Variants in CCNC observed in about 807,000 individuals in gnomAD.
CCNC encodes cyclin-C.
CCNC carries 19 observed loss-of-function variants against 50.0 expected under a neutral mutation model. The observed-to-expected ratio is 0.38, with a 90% CI of 0.27 to 0.56. The LOEUF (loss-of-function observed/expected upper bound fraction) is 0.56, where lower values mean the gene tolerates loss of function less well. Among genes scored for constraint, CCNC ranks in the 20% least tolerant of loss-of-function variants. The pLI, the probability that CCNC is intolerant of heterozygous loss-of-function variation, is 0.72. For missense variants in CCNC, 200 were observed against 327.1 expected, an observed-to-expected ratio of 0.61 and a Z score of 3.00; for synonymous variants, 93 against 103.7, an observed-to-expected ratio of 0.90 and a Z score of 0.63.
At position 99,545,182 on chromosome 6, in the gene CCNC, T is replaced by C. The variant is rs747673155; in HGVS notation, c.727A>G (p.Asn243Asp). 1.9e-6 allele frequency: 3 copies of C among 1,609,456 alleles called. No homozygotes were observed. The highest frequency in any genetic ancestry group is 1.7e-6 in the Non-Finnish European group (2 of 1,176,066). Reference sequence around the variant, plus strand: ...GCCATCTCTTTTCTCTCATCGAAATTCTTCCACTGCTCATATAGTTTTAAA... The same window carrying C: ...GCCATCTCTTTTCTCTCATCGAAATCCTTCCACTGCTCATATAGTTTTAAA... ...VILKLYEQWK[N>D]FDERKEMATI... Residue 243 changes from asparagine to aspartate, a missense_variant, in exon 11 of 12, where the codon AAT (asparagine) becomes GAT (aspartate). Asn to Asp is a conservative substitution (Grantham distance 23, BLOSUM62 1). Transcript: ENST00000520429.
chr6:99,547,660 C>G (rs1263890693), intron 9 of CCNC, among the ~76,000 whole-genome samples: 2 of 152,178 alleles, frequency 1.3e-5, no homozygotes, highest in Admixed American at 1.3e-4. Context: ...CTTCTACCCA[C>G]TAGATGCTAG....
chr6:99,562,937 A>C lies in CCNC; in HGVS notation c.44T>G (p.Ile15Ser), dbSNP rs745828562. ...FWQSSHYLQWILDKQDLLKER... is the reference protein window; with the variant it reads ...FWQSSHYLQWSLDKQDLLKER... The stretch of plus-strand genomic sequence containing the variant: ...CTTCAACAGATCTTGTTTATCCAAA[A>C]TCCATTGCAAACTAGAAAAGACATG... The change falls in exon 2 of 12, where the codon ATT becomes AGT. Residue 15 changes from isoleucine (I) to serine (S), a missense_variant. Physicochemically the swap from Ile to Ser is moderately radical, Grantham distance 142. Coordinates refer to ENST00000520429, the MANE Select transcript of CCNC (RefSeq NM_005190.4). 40 of 1,598,480 alleles carry C rather than the reference A, an allele frequency of 2.5e-5. No individual in the cohort carries two copies. Among genetic ancestry groups the C allele is most frequent in the Admixed American group, 1.0e-4 (6 of 58,374 alleles).
chr6:99,567,980 G>A (rs974161057), intron 1 of CCNC: 1 of 154,456 alleles, frequency 6.5e-6, no homozygotes, highest in Non-Finnish European at 1.4e-5. Context: ...TAGACATAAA[G>A]TACGCGCAAG....
At position 99,545,133 on chromosome 6, in the gene CCNC, T is replaced by C; in HGVS notation, c.776A>G (p.Lys259Arg). Reference sequence around the variant, plus strand: ...GTACCTGTTTGGAGGTGGTTTTGGTTTTGGCATCTTACTAAGAATGGTTGC... The same window carrying C: ...GTACCTGTTTGGAGGTGGTTTTGGTCTTGGCATCTTACTAAGAATGGTTGC... ...EMATILSKMP[K>R]PKPPPNSEGE... is the part of the protein sequence containing the mutation. Residue 259 changes from lysine (K) to arginine (R), a missense_variant, in exon 11 of 12, where the codon AAA (lysine) becomes AGA (arginine). Lys to Arg is a conservative substitution (Grantham distance 26). Transcript: ENST00000520429. 1 of 1,602,200 alleles carries C rather than the reference T, an allele frequency of 6.2e-7. No individual in the cohort carries two copies. Among genetic ancestry groups the C allele is most frequent in the Non-Finnish European group, 8.6e-7 (1 of 1,169,346 alleles).
At chr6:99,556,149 TAC>T (rs1193270335) in intron 5 of CCNC, among the ~76,000 whole-genome samples, 1 of 152,242 alleles carries the variant, frequency 6.6e-6, no homozygotes, top group African/African-American at 2.4e-5. Context: ...CAGCACTCAA[TAC>T]AGTTTGCAGT....
rs941457310 is a variant in CCNC, at chr6:99,558,505, G to T, written c.338C>A (p.Thr113Asn). Residue 113 changes from threonine (T) to asparagine (N), a missense_variant, in exon 5 of 12, where the codon ACT becomes AAT. By Grantham distance (65) the Thr-to-Asn change is moderately conservative. Transcript: ENST00000520429. ...ATACTTTTTGCACTTACATACAGAA[G>T]TAGCAGCAGCAATCAATCTTGTATT... The part of the protein sequence containing the change: ...VSNTRLIAAA[T>N]SVLKTRFSYA... The T allele has an allele frequency of 1.2e-6, 2 of 1,610,596 alleles. No homozygotes were observed. The highest frequency in any genetic ancestry group is 2.7e-5 in the African/African-American group (2 of 74,574).
chr6:99,546,606 G>C, intron 9 of CCNC, 132 bp from the exon 10 acceptor site: 1 of 599,292 alleles, frequency 1.7e-6, no homozygotes, highest in Non-Finnish European at 3.0e-6. Flanking sequence ...CTACATATGA[G>C]AGTTACCACT....
intron 9 of CCNC, among the ~76,000 whole-genome samples, chr6:99,547,826 T>C (rs568482005): frequency 6.6e-6 from 1 of 152,168 alleles, no homozygotes; most frequent in East Asian, 1.9e-4. Flanking sequence ...AATAAGCCAG[T>C]TAGGAGACTG....
chr6:99,545,643 A>G (rs905280846), intron 10 of CCNC, among the ~76,000 whole-genome samples: 1 of 152,242 alleles, frequency 6.6e-6, no homozygotes, highest in Non-Finnish European at 1.5e-5. Context: ...TAAGGTGCTC[A>G]AAAACTGGCA....
chr6:99,566,118 C>A lies in CCNC; in HGVS notation c.32+2378G>T, dbSNP rs371494785. ...TAACCCAAAAGTACCCCTGGGTTTA[C>A]TTTTCTCATTCCTAATTTTGTATTT... is the stretch of plus-strand genomic sequence containing the variant. On this transcript the variant is annotated intron_variant, in intron 1 of 11. Coordinates refer to ENST00000520429, the MANE Select transcript of CCNC (RefSeq NM_005190.4). Among the ~76,000 whole-genome samples, 32 of 152,090 alleles carry A rather than the reference C, an allele frequency of 2.1e-4. No homozygotes were observed. The East Asian group carries it at 3.5e-3, about 17-fold the overall frequency.
chr6:99,544,549 C>A (rs949697439), intron 11 of CCNC, among the ~76,000 whole-genome samples: 1 of 152,030 alleles, frequency 6.6e-6, no homozygotes, highest in Non-Finnish European at 1.5e-5. Context: ...TTAAAACACA[C>A]ACATACACCC....
At chr6:99,557,673 G>C (rs543800396) in intron 5 of CCNC, 51 of 151,962 alleles carry the variant, frequency 3.4e-4, no homozygotes, top group African/African-American at 1.2e-3. Flanking sequence ...GGGCATGGTG[G>C]CACATGCCTG....
intron 1 of CCNC, among the ~76,000 whole-genome samples, chr6:99,564,655 T>C (rs564368630): frequency 6.6e-6 from 1 of 152,286 alleles, no homozygotes; most frequent in South Asian, 2.1e-4. Context: ...AAGAGATTCT[T>C]CTGATCTAAA....
intron 2 of CCNC, 44 bp downstream of exon 2, chr6:99,562,798 G>C (rs1228814993): frequency 9.1e-7 from 1 of 1,094,516 alleles, no homozygotes; most frequent in Non-Finnish European, 1.4e-6. Flanking sequence ...TTTATTCAGA[G>C]GTAACCAACT....
At chr6:99,551,657 C>T (rs1423699610) in intron 6 of CCNC, among the ~76,000 whole-genome samples, 183 bp downstream of exon 6, 2 of 151,982 alleles carry the variant, frequency 1.3e-5, no homozygotes, top group Admixed American at 6.6e-5. Flanking sequence ...GGTTGATAAT[C>T]GCCACTATGA....
intron 9 of CCNC, chr6:99,549,202 A>G (rs1469375016): frequency 2.4e-6 from 1 of 421,196 alleles, no homozygotes; most frequent in African/African-American, 2.0e-5. Context: ...TACAACTAAT[A>G]TTAGCTGGCT....
At position 99,548,802 on chromosome 6, in the gene CCNC, C is replaced by CA. The variant is rs71021744; in HGVS notation, c.598+705dup. 6.7e-3 allele frequency among the ~76,000 whole-genome samples: 709 copies of CA among 106,476 alleles called. 4 individuals carry two copies. Among genetic ancestry groups the CA allele is most frequent in the Middle Eastern group, 9.7e-3 (2 of 206 alleles). 69.9% of individuals were successfully genotyped at this position (106,476 alleles called of 152,430 possible). On this transcript the variant is annotated intron_variant, in intron 9 of 11. Coordinates refer to ENST00000520429, the MANE Select transcript of CCNC (RefSeq NM_005190.4). ...TGGGAGACAGAGTGAGACTCCATCT[C>CA]AAAAAAAAAAAAAAAAAAAAATCAA...
rs1030172088 is a variant in CCNC, at chr6:99,544,123, C to G, written c.798-514G>C. 87 of 1,450,024 alleles carry G rather than the reference C, an allele frequency of 6.0e-5. 1 individual carries two copies. The Admixed American group carries it at 2.1e-3, about 35-fold the overall frequency. 89.8% of individuals were successfully genotyped at this position (1,450,024 alleles called of 1,614,324 possible). On this transcript the variant is annotated intron_variant, in intron 11 of 11. Coordinates refer to ENST00000520429, the MANE Select transcript of CCNC (RefSeq NM_005190.4). ...AAATATGGTAATTTCCTGGAAAATG[C>G]TGAATACTTAAAATAAAAATGCTGA...
At chr6:99,545,076 A>AG in intron 11 of CCNC, 36 bp downstream of exon 11, 1 of 989,302 alleles carries the variant, frequency 1.0e-6, no homozygotes, top group Non-Finnish European at 1.6e-6. Flanking sequence ...ATGATATATG[A>AG]TTAAATGACA....
Sources: allele counts gnomAD v4.1 joint callset (sites outside exome capture counted in the v4.1 genomes callset), GRCh38; gene constraint gnomAD v4.1.1; transcripts MANE v1.5; gene names NCBI Gene and HGNC (gene_info 2026-07-23, HGNC 2026-07-21).